The following ARHGAP24 variants were observed in gnomAD, a reference collection of about 807,000 sequenced individuals.
ARHGAP24 encodes the protein rho GTPase-activating protein 24.
ARHGAP24 carries 50 observed loss-of-function variants against 76.4 expected under a neutral mutation model. The ratio of observed to expected loss-of-function variants is 0.65; its 90% CI spans 0.52 to 0.83. The LOEUF is 0.83. Ranked by LOEUF, ARHGAP24 falls within the 40% of genes least tolerant of loss-of-function variation. The pLI, the probability that ARHGAP24 is intolerant of heterozygous loss-of-function variation, is 0.00. For missense variants in ARHGAP24, 930 were observed against 914.2 expected (o/e 1.02, Z -0.22); for synonymous variants, 345 against 323.3 (o/e 1.07, Z -0.72).
chr4:85,664,318 T>C (rs1722523186), intron 2 of ARHGAP24, among the ~76,000 whole-genome samples: 1 of 151,106 alleles, frequency 6.6e-6, no homozygotes, highest in Non-Finnish European at 1.5e-5. Context: ...TGTAGTATTC[T>C]CTGATGATAG....
At chr4:85,538,966 C>T (rs779521521) in intron 1 of ARHGAP24, among the ~76,000 whole-genome samples, 2 of 152,126 alleles carry the variant, frequency 1.3e-5, no homozygotes, top group African/African-American at 2.4e-5. Context: ...GCAAAGAATT[C>T]GTTTCCACTT....
At chr4:85,972,811 C>G (rs923727466) in intron 6 of ARHGAP24, among the ~76,000 whole-genome samples, 1 of 152,198 alleles carries the variant, frequency 6.6e-6, no homozygotes, top group Admixed American at 6.5e-5. Context: ...CTATTCTGGA[C>G]ATTCCTTATA....
intron 3 of ARHGAP24, among the ~76,000 whole-genome samples, chr4:85,787,201 A>G (rs1727883968): frequency 1.3e-5 from 2 of 152,216 alleles, no homozygotes; most frequent in South Asian, 2.1e-4. Flanking sequence ...GACACTAACA[A>G]GAGGATATGA....
At chr4:85,997,341 T>TAGAG (rs879400388) in intron 9 of ARHGAP24, among the ~76,000 whole-genome samples, 3 of 149,918 alleles carry the variant, frequency 2.0e-5, no homozygotes, top group South Asian at 4.2e-4. Flanking sequence ...GATAGATAGA[T>TAGAG]AGAGAGATAG....
At chr4:85,722,149 T>TCACA in intron 3 of ARHGAP24, 177 bp downstream of exon 3, 1 of 589,750 alleles carries the variant, frequency 1.7e-6, no homozygotes, top group Non-Finnish European at 3.1e-6. Flanking sequence ...ATGAATGCAC[T>TCACA]CACACACACA....
intron 8 of ARHGAP24, among the ~76,000 whole-genome samples, chr4:85,992,742 T>C (rs1740408518): frequency 6.6e-6 from 1 of 152,142 alleles, no homozygotes; most frequent in African/African-American, 2.4e-5. Context: ...GCATGGAAAA[T>C]ATGATGACAA....
rs73832880 is a variant in ARHGAP24, at chr4:85,601,994, T to C, written c.180+31273T>C. ...TCATTATGCAGAACTATTACTTGCA[T>C]AGGAAAAAGGACAGAGAGCAGAGAT... is the stretch of plus-strand genomic sequence containing the variant. On this transcript the variant is annotated intron_variant, in intron 2 of 9. Coordinates refer to ENST00000395184, the MANE Select transcript of ARHGAP24 (RefSeq NM_001025616.3). 3.0e-3 allele frequency among the ~76,000 whole-genome samples: 460 copies of C among 151,826 alleles called. 1 individual carries two copies. Among genetic ancestry groups the C allele is most frequent in the African/African-American group, 0.011 (447 of 41,412 alleles).
intron 2 of ARHGAP24, among the ~76,000 whole-genome samples, chr4:85,679,307 A>C (rs1449121174): frequency 6.6e-6 from 1 of 152,144 alleles, no homozygotes. Flanking sequence ...GCTTGTTTGC[A>C]TCTTTTGTTT....
chr4:85,562,828 C>A (rs1200970915), intron 1 of ARHGAP24, among the ~76,000 whole-genome samples: 1 of 152,118 alleles, frequency 6.6e-6, no homozygotes, highest in Non-Finnish European at 1.5e-5. Context: ...ATAGGCTTTG[C>A]CACATTTAGC....
intron 3 of ARHGAP24, among the ~76,000 whole-genome samples, chr4:85,888,297 G>A (rs1560697243): frequency 1.3e-5 from 2 of 151,638 alleles, no homozygotes; most frequent in Non-Finnish European, 2.9e-5. Context: ...CTACTTGGGA[G>A]GCTGATACAG....
chr4:85,838,051 C>T (rs187038788), intron 3 of ARHGAP24, among the ~76,000 whole-genome samples: 115 of 152,240 alleles, frequency 7.6e-4, no homozygotes, highest in African/African-American at 2.6e-3. Flanking sequence ...GAAAAAATAG[C>T]GAACGTGTGT....
At chr4:85,764,299 G>A (rs969308047) in intron 3 of ARHGAP24, among the ~76,000 whole-genome samples, 3 of 152,022 alleles carry the variant, frequency 2.0e-5, no homozygotes, top group Non-Finnish European at 4.4e-5. Context: ...GAGGGCTCTC[G>A]TGTGGCAACA....
intron 2 of ARHGAP24, among the ~76,000 whole-genome samples, chr4:85,608,462 A>G (rs1388636882): frequency 6.6e-6 from 1 of 151,776 alleles, no homozygotes; most frequent in Non-Finnish European, 1.5e-5. Context: ...TATTATTTAC[A>G]TATAAACATA....
At chr4:85,696,536 G>T (rs1035475472) in intron 2 of ARHGAP24, among the ~76,000 whole-genome samples, 23 of 152,144 alleles carry the variant, frequency 1.5e-4, no homozygotes, top group Non-Finnish European at 4.4e-5. Context: ...TTCATGAATT[G>T]TTTCCTTCCT....
chr4:85,847,018 G>A (rs1302518896), intron 3 of ARHGAP24, among the ~76,000 whole-genome samples: 2 of 152,112 alleles, frequency 1.3e-5, no homozygotes, highest in Non-Finnish European at 2.9e-5. Context: ...TAAACAAAAG[G>A]GGACAGTGTG....
chr4:85,930,645 G>T, intron 4 of ARHGAP24: 1 of 1,104,914 alleles, frequency 9.1e-7, no homozygotes, highest in South Asian at 3.2e-5. Flanking sequence ...TTCTTTTCCT[G>T]TGACATTTTG....
At chr4:85,609,627 C>G (rs761742482) in intron 2 of ARHGAP24, among the ~76,000 whole-genome samples, 1 of 152,148 alleles carries the variant, frequency 6.6e-6, no homozygotes, top group Non-Finnish European at 1.5e-5. Flanking sequence ...CCCATTATCA[C>G]AATTGGGAAG....
rs142937557 is a variant in ARHGAP24 at position 85,679,173 on chromosome 4, A to G, written c.181-42712A>G. 2.0e-3 allele frequency among the ~76,000 whole-genome samples: 299 copies of G among 152,302 alleles called. 1 individual carries two copies. The highest frequency in any genetic ancestry group is 5.8e-3 in the African/African-American group (242 of 41,570). ...GCTAGCAAAGGTGGTCTTGTGGTGTAGATGAAAGCTTGCAGGTAGCAGCCC... is the reference window on the plus strand; with the variant it reads ...GCTAGCAAAGGTGGTCTTGTGGTGTGGATGAAAGCTTGCAGGTAGCAGCCC... On this transcript the variant is annotated intron_variant, in intron 2 of 9. Transcript: ENST00000395184.
chr4:85,493,239 T>C (rs971489891), intron 1 of ARHGAP24, among the ~76,000 whole-genome samples: 2 of 152,072 alleles, frequency 1.3e-5, no homozygotes, highest in South Asian at 2.1e-4. Context: ...CTGTAACTAA[T>C]AAGCATTATG....
Sources: allele counts gnomAD v4.1 joint callset (sites outside exome capture counted in the v4.1 genomes callset), GRCh38; gene constraint gnomAD v4.1.1; transcripts MANE v1.5; gene names NCBI Gene and HGNC (gene_info 2026-07-23, HGNC 2026-07-21).